AGBL1: variants seen among roughly 807,000 people sequenced by gnomAD.
AGBL1 encodes AGBL carboxypeptidase 1.
A neutral mutation model predicts 118.9 loss-of-function variants in AGBL1; 130 were observed. The observed-to-expected ratio is 1.09, with a 90% CI of 0.95 to 1.26. The LOEUF is 1.26. Among genes scored for constraint, AGBL1 ranks in the 50% most tolerant of loss-of-function variants. AGBL1 has a pLI of 0.00. For missense variants in AGBL1, 1,584 were observed against 1,298.1 expected, an observed-to-expected ratio of 1.22 and a Z score of -3.38; for synonymous variants, 555 against 478.9, an observed-to-expected ratio of 1.16 and a Z score of -2.08.
intron 22 of AGBL1, among the ~76,000 whole-genome samples, chr15:86,712,539 A>G (rs1026561691): frequency 6.6e-6 from 1 of 152,178 alleles, no homozygotes; most frequent in Non-Finnish European, 1.5e-5. Flanking sequence ...GCTAAGTACA[A>G]CTTAAATGGT....
chr15:86,113,566 G>A (rs1180150583), intron 1 of AGBL1, among the ~76,000 whole-genome samples: 1 of 152,070 alleles, frequency 6.6e-6, no homozygotes, highest in Admixed American at 6.5e-5. Context: ...GATTACAGGT[G>A]TGAGCCACTG....
chr15:86,716,129 G>A (rs2086635112), intron 22 of AGBL1, among the ~76,000 whole-genome samples: 1 of 151,826 alleles, frequency 6.6e-6, no homozygotes, highest in East Asian at 1.9e-4. Flanking sequence ...TAGTCTATTG[G>A]TAGTAATATC....
chr15:86,630,779 G>A (rs1158014025), intron 21 of AGBL1: 2 of 152,212 alleles, frequency 1.3e-5, no homozygotes, highest in Non-Finnish European at 2.9e-5. Flanking sequence ...TAAATAATAG[G>A]TAAATTAGCA....
intron 1 of AGBL1, chr15:86,083,424 G>A (rs1410932250): frequency 2.0e-5 from 3 of 152,176 alleles, no homozygotes; most frequent in Non-Finnish European, 4.4e-5. Context: ...ACTGTGATAT[G>A]GGCACATTTT....
intron 17 of AGBL1, among the ~76,000 whole-genome samples, chr15:86,301,641 GGT>G (rs60282415): frequency 0.11 from 14,609 of 136,798 alleles, 811 homozygotes; most frequent in East Asian, 0.21. Flanking sequence ...TAATCTACAG[GGT>G]GTGTGTGTGT....
At chr15:86,711,337 G>A (rs1224149273) in intron 22 of AGBL1, among the ~76,000 whole-genome samples, 2 of 152,156 alleles carry the variant, frequency 1.3e-5, no homozygotes, top group Non-Finnish European at 2.9e-5. Context: ...TGGTAAATGA[G>A]TTCTGCAGTA....
intron 19 of AGBL1, among the ~76,000 whole-genome samples, chr15:86,524,949 G>A (rs1396922618): frequency 2.0e-5 from 3 of 152,054 alleles, no homozygotes; most frequent in African/African-American, 7.2e-5. Context: ...TTGGAAAAGA[G>A]GAAATCAAAT....
chr15:86,147,610 C>G (rs184501509), intron 3 of AGBL1, among the ~76,000 whole-genome samples: 1 of 152,290 alleles, frequency 6.6e-6, no homozygotes, highest in East Asian at 1.9e-4. Flanking sequence ...CCGGGAAGCT[C>G]CAACTGGGTA....
In AGBL1 at chr15:86,659,025, C is replaced by A. The variant is rs1205594523; in HGVS notation, c.2995-15248C>A. Among the ~76,000 whole-genome samples, 3 of 152,150 alleles carry A rather than the reference C, an allele frequency of 2.0e-5. No individual in the cohort carries two copies. The East Asian group carries it at 5.8e-4, about 29-fold the overall frequency. On this transcript the variant is annotated intron_variant, in intron 21 of 22. Transcript: ENST00000614907. Reference sequence around the variant, plus strand: ...CACAGAGAGCAAAGGCGGGTATTCACAAAGACAGAAGTAAGCCATGATCTT... The same window carrying A: ...CACAGAGAGCAAAGGCGGGTATTCAAAAAGACAGAAGTAAGCCATGATCTT...
At chr15:86,391,018 A>T (rs965857431) in intron 17 of AGBL1, among the ~76,000 whole-genome samples, 10 of 100,834 alleles carry the variant, frequency 9.9e-5, no homozygotes, top group African/African-American at 3.2e-4. Context: ...CTATGGTGAT[A>T]AAAAAAAAAA....
intron 22 of AGBL1, among the ~76,000 whole-genome samples, chr15:86,826,342 A>G (rs1268784823): frequency 2.0e-5 from 3 of 152,156 alleles, no homozygotes; most frequent in African/African-American, 7.2e-5. Context: ...CGAGGGATGC[A>G]GTGTCTGCCA....
chr15:86,878,311 T>C (rs905233498), intron 22 of AGBL1, among the ~76,000 whole-genome samples: 7 of 152,212 alleles, frequency 4.6e-5, no homozygotes, highest in African/African-American at 1.7e-4. Context: ...TCTGCCCTTG[T>C]AGCACAAAGG....
chr15:86,109,819 T>G (rs1897256472), intron 1 of AGBL1: 1 of 152,282 alleles, frequency 6.6e-6, no homozygotes, highest in African/African-American at 2.4e-5. Context: ...TCGTGGGACC[T>G]TCCTGTTATG....
chr15:86,111,257 A>G lies in AGBL1; in HGVS notation c.52-30747A>G, dbSNP rs116218465. On this transcript the variant is annotated intron_variant, in intron 1 of 22. Transcript: ENST00000614907. The stretch of plus-strand genomic sequence containing the variant: ...CTCTCCTTTGATGGATGGACTGGGA[A>G]TGGGAGAAAGGTGGGTAGTGACTAG... 4.4e-3 allele frequency among the ~76,000 whole-genome samples: 676 copies of G among 152,308 alleles called. 2 individuals are homozygous for G. The highest frequency in any genetic ancestry group is 0.016 in the African/African-American group (652 of 41,576).
At chr15:86,960,290 T>A (rs570585396) in intron 23 of AGBL1, among the ~76,000 whole-genome samples, 1 of 152,180 alleles carries the variant, frequency 6.6e-6, no homozygotes, top group East Asian at 1.9e-4. Context: ...TATCACTCTA[T>A]TTTATAGCTT....
rs554951599 is a variant in AGBL1 at position 86,578,322 on chromosome 15, T to A, written c.2994+23785T>A. Among the ~76,000 whole-genome samples, 3 of 152,290 alleles carry A rather than the reference T, an allele frequency of 2.0e-5. No homozygotes were observed. In the East Asian group the frequency reaches 5.8e-4, roughly 29 times the overall value. On this transcript the variant is annotated intron_variant, in intron 21 of 22. Transcript: ENST00000614907. ...TGTAGCCCCTTCATTTTGGCCAATT[T>A]CTCCCATTTAGAATGGCTATATTTA...
chr15:86,583,503 A>T (rs2142336401), intron 21 of AGBL1, among the ~76,000 whole-genome samples: 1 of 152,264 alleles, frequency 6.6e-6, no homozygotes, highest in African/African-American at 2.4e-5. Flanking sequence ...GTTGCTACAG[A>T]GGACATGATT....
chr15:86,415,867 T>A (rs573207695), intron 18 of AGBL1, among the ~76,000 whole-genome samples: 1 of 152,324 alleles, frequency 6.6e-6, no homozygotes, highest in African/African-American at 2.4e-5. Flanking sequence ...TTATGATTAT[T>A]CACATTTATA....
At chr15:86,735,872 C>T (rs1158208188) in intron 22 of AGBL1, among the ~76,000 whole-genome samples, 3 of 152,164 alleles carry the variant, frequency 2.0e-5, no homozygotes, top group Admixed American at 2.0e-4. Flanking sequence ...GGTGTGGCTG[C>T]TAGAATTTCA....
Sources: gnomAD v4.1 joint callset for allele counts (sites outside exome capture counted in the v4.1 genomes callset) on GRCh38, gnomAD v4.1.1 for gene constraint, MANE v1.5 for transcripts, NCBI Gene and HGNC (gene_info 2026-07-23, HGNC 2026-07-21) for gene names.